DMXL2: variants seen among roughly 807,000 people sequenced by gnomAD.
The protein encoded by DMXL2 is dmX-like protein 2.
DMXL2 carries 103 observed loss-of-function variants against 331.1 expected under a neutral mutation model. The observed-to-expected ratio is 0.31, with a 90% CI of 0.27 to 0.37. The LOEUF is 0.37. Among genes scored for constraint, DMXL2 ranks in the 10% least tolerant of loss-of-function variants. DMXL2 has a pLI of 1.00. For synonymous variants in DMXL2, 1,281 were observed against 1,252.1 expected (o/e 1.02, Z -0.49); for missense variants, 3,171 against 3,642.9 (o/e 0.87, Z 3.33).
chr15:51,577,881 T>A (rs546160171), intron 1 of DMXL2, among the ~76,000 whole-genome samples: 2 of 152,296 alleles, frequency 1.3e-5, no homozygotes, highest in East Asian at 3.9e-4. Flanking sequence ...ATAATACTTG[T>A]CTCTTAGGAT....
In DMXL2 at chr15:51,536,729, A is replaced by G; in HGVS notation, c.1751T>C (p.Met584Thr). ...TGATCCGTGAGGACTGCCTACAGAC[A>G]TCCCCTCCTGGTGTAACAGCGTGTG... ...SHHTLLHQEG[M>T]SVGSPHGSQP... The change falls in exon 12 of 44, where the codon ATG becomes ACG. Residue 584 changes from methionine (M) to threonine (T), a missense_variant. This residue lies in a region of DMXL2 where 1,674 missense variants were observed against 1,780.2 expected (regional missense o/e 0.94). Coordinates refer to ENST00000560891, the MANE Select transcript of DMXL2 (RefSeq NM_001378457.1). The G allele has an allele frequency of 6.2e-7, 1 of 1,614,106 alleles. No homozygotes were observed. The highest frequency in any genetic ancestry group is 1.3e-5 in the African/African-American group (1 of 75,044).
rs972514574 is a variant in DMXL2, at chr15:51,447,984, A to G, written c.*1000T>C. 5 of 152,648 alleles carry G rather than the reference A, an allele frequency of 3.3e-5. No homozygotes were observed. Among genetic ancestry groups the G allele is most frequent in the African/African-American group, 1.2e-4 (5 of 41,462 alleles). 9.5% of individuals were successfully genotyped at this position (152,648 alleles called of 1,614,324 possible). A position where few individuals can be genotyped will look rare whatever the true frequency, so the allele number is the denominator to read the frequency against. ...GACATTAGTTTCAGTATCTCAACATATTTTTGGTCATAACCAAGGAAATAC... is the reference window on the plus strand; with the variant it reads ...GACATTAGTTTCAGTATCTCAACATGTTTTTGGTCATAACCAAGGAAATAC... On this transcript the variant is annotated 3_prime_UTR_variant, in exon 44 of 44. Transcript: ENST00000560891.
chr15:51,592,008 C>T (rs921046411), intron 1 of DMXL2, among the ~76,000 whole-genome samples: 7 of 152,138 alleles, frequency 4.6e-5, no homozygotes, highest in African/African-American at 1.4e-4. Context: ...AATCAGAGCG[C>T]CTCTCCTCCT....
chr15:51,499,287 C>A lies in DMXL2; in HGVS notation c.3937G>T (p.Glu1313Ter). 6.2e-7 allele frequency: 1 copy of A among 1,613,896 alleles called. No homozygotes were observed. The highest frequency in any genetic ancestry group is 8.5e-7 in the Non-Finnish European group (1 of 1,180,000). ...SNMLARKSVV[E>*]GTAISDDVFC... ...ACATCATCAGAAATAGCTGTTCCTTCAACAACACTTTTTCTTGCCAGCATA... is the reference window on the plus strand; with the variant it reads ...ACATCATCAGAAATAGCTGTTCCTTAAACAACACTTTTTCTTGCCAGCATA... The change falls in exon 18 of 44, where the codon GAA becomes TAA. Residue 1313 changes from glutamate to a stop codon, truncating the protein, a stop_gained. Coordinates refer to ENST00000560891, the MANE Select transcript of DMXL2 (RefSeq NM_001378457.1). LOFTEE classifies it high-confidence loss of function.
At chr15:51,552,758 C>T (rs182695308) in intron 6 of DMXL2, among the ~76,000 whole-genome samples, 69 of 152,274 alleles carry the variant, frequency 4.5e-4, no homozygotes, top group Admixed American at 2.2e-3. Context: ...CACACGTTCT[C>T]CCTAGTTAAT....
intron 36 of DMXL2, among the ~76,000 whole-genome samples, chr15:51,458,297 T>C (rs879647467): frequency 3.9e-5 from 6 of 152,240 alleles, no homozygotes; most frequent in South Asian, 2.1e-4. Flanking sequence ...TATTGAAATA[T>C]TATCAATAGT....
Position 51,619,641 on chromosome 15 carries a change from T to C in DMXL2, c.87+2818A>G, listed in dbSNP as rs74016412. On this transcript the variant is annotated intron_variant, in intron 1 of 43. Coordinates refer to ENST00000560891, the MANE Select transcript of DMXL2 (RefSeq NM_001378457.1). ...TACACTGTCATAAACTCAAAATCCT[T>C]TTAGAACAATTCTGTTCTTCAAAGA... Among the ~76,000 whole-genome samples, 431 of 152,352 alleles carry C rather than the reference T, an allele frequency of 2.8e-3. 2 individuals carry two copies. Among genetic ancestry groups the C allele is most frequent in the African/African-American group, 1.0e-2 (415 of 41,574 alleles).
intron 1 of DMXL2, among the ~76,000 whole-genome samples, chr15:51,618,544 G>A (rs1208626775): frequency 6.6e-6 from 1 of 151,216 alleles, no homozygotes; most frequent in East Asian, 1.9e-4. Context: ...ACCTTTTGTT[G>A]GTATTTTAAT....
chr15:51,565,951 G>C (rs944535269), intron 3 of DMXL2, among the ~76,000 whole-genome samples: 1 of 152,210 alleles, frequency 6.6e-6, no homozygotes, highest in Middle Eastern at 3.4e-3. Flanking sequence ...AAACATAGCT[G>C]CATCCCAACA....
intron 1 of DMXL2, among the ~76,000 whole-genome samples, chr15:51,595,810 GA>G (rs1225492167): frequency 6.6e-6 from 1 of 152,216 alleles, no homozygotes; most frequent in Non-Finnish European, 1.5e-5. Flanking sequence ...ACAAAAGCAA[GA>G]AACGGGGAAA....
At chr15:51,510,318 A>G (rs1298501686) in intron 15 of DMXL2, among the ~76,000 whole-genome samples, 1 of 152,230 alleles carries the variant, frequency 6.6e-6, no homozygotes, top group Non-Finnish European at 1.5e-5. Context: ...CAATCGTCTC[A>G]GCCCAAAATC....
intron 16 of DMXL2, among the ~76,000 whole-genome samples, chr15:51,504,835 C>T (rs2043939611): frequency 1.3e-5 from 2 of 152,170 alleles, no homozygotes; most frequent in African/African-American, 4.8e-5. Context: ...TTCTCACCAG[C>T]AAACTAAGGT....
chr15:51,457,214 G>T, intron 37 of DMXL2, 114 bp downstream of exon 37: 1 of 1,060,804 alleles, frequency 9.4e-7, no homozygotes. Flanking sequence ...CATTATCATG[G>T]CCTATCTACT....
intron 10 of DMXL2, 29 bp downstream of exon 10, chr15:51,538,184 T>C: frequency 6.3e-7 from 1 of 1,582,514 alleles, no homozygotes; most frequent in East Asian, 2.3e-5. Flanking sequence ...AACTTTGGAG[T>C]AAGTAAAATC....
intron 6 of DMXL2, among the ~76,000 whole-genome samples, chr15:51,558,600 T>C (rs927708433): frequency 2.6e-5 from 4 of 152,212 alleles, no homozygotes; most frequent in African/African-American, 7.2e-5. Context: ...CCGCACATGA[T>C]TGCAGTCTTC....
intron 18 of DMXL2, among the ~76,000 whole-genome samples, chr15:51,497,454 C>T (rs1336214061): frequency 6.6e-6 from 1 of 152,146 alleles, no homozygotes; most frequent in Non-Finnish European, 1.5e-5. Flanking sequence ...TCAGTGTCTT[C>T]ATCTATAAAG....
rs772475352 is a variant in DMXL2, at chr15:51,499,410, C to G, written c.3814G>C (p.Ala1272Pro). The G allele has an allele frequency of 1.2e-6, 2 of 1,613,768 alleles. No homozygotes were observed. The highest frequency in any genetic ancestry group is 1.3e-5 in the African/African-American group (1 of 74,932). ...AATTTGACAGCATGCTTCCACTGTG[C>G]ATATACATGCATTTCACAATCCATT... ...VGMDCEMHVY[A>P]QWKHAVKFGD... The change falls in exon 18 of 44, where the codon GCA (alanine) becomes CCA (proline). Residue 1272 changes from alanine to proline, a missense_variant. By Grantham distance (27) the Ala-to-Pro change is conservative. Coordinates refer to ENST00000560891, the MANE Select transcript of DMXL2 (RefSeq NM_001378457.1).
chr15:51,594,665 AT>A (rs2052655049), intron 1 of DMXL2, among the ~76,000 whole-genome samples: 2 of 152,206 alleles, frequency 1.3e-5, no homozygotes, highest in Non-Finnish European at 2.9e-5. Flanking sequence ...AAAATCCTCA[AT>A]AAAATACTGG....
At chr15:51,582,862 G>A (rs372175723) in intron 1 of DMXL2, among the ~76,000 whole-genome samples, 277 of 151,882 alleles carry the variant, frequency 1.8e-3, no homozygotes, top group Middle Eastern at 0.014. Context: ...AGAAAATGAA[G>A]TCACCTTCTC....
Sources: allele counts gnomAD v4.1 joint callset (sites outside exome capture counted in the v4.1 genomes callset), GRCh38; gene constraint gnomAD v4.1.1; regional missense constraint gnomAD v4.1.1; transcripts MANE v1.5; gene names NCBI Gene and HGNC (gene_info 2026-07-23, HGNC 2026-07-21).